NOC3L: variants seen among roughly 807,000 people sequenced by gnomAD.
NOC3L encodes nucleolar complex protein 3 homolog.
NOC3L carries 85 observed loss-of-function variants against 102.5 expected under a neutral mutation model. That is an observed-to-expected ratio of 0.83 (90% CI 0.70 to 0.99). NOC3L has a LOEUF of 0.99. Among genes scored for constraint, NOC3L ranks in the 50% least tolerant of loss-of-function variants. The pLI is 0.00. For missense variants in NOC3L, 878 were observed against 914.9 expected, an observed-to-expected ratio of 0.96 and a Z score of 0.52; for synonymous variants, 303 against 309.4, an observed-to-expected ratio of 0.98 and a Z score of 0.22.
chr10:94,344,350 C>A, intron 13 of NOC3L, 65 bp downstream of exon 13: 3 of 1,043,466 alleles, frequency 2.9e-6, no homozygotes, highest in South Asian at 1.5e-5. Flanking sequence ...AGGGAACTCT[C>A]GAAAATTCTT....
chr10:94,362,729 C>CT, intron 1 of NOC3L, 101 bp downstream of exon 1: 2 of 1,332,060 alleles, frequency 1.5e-6, no homozygotes, highest in Non-Finnish European at 2.2e-6. Flanking sequence ...CCACCGCCCC[C>CT]TAGACACGGG....
chr10:94,334,757 A>G, intron 19 of NOC3L, 39 bp from the exon 20 acceptor site: 2 of 1,323,418 alleles, frequency 1.5e-6, no homozygotes, highest in Non-Finnish European at 2.2e-6. Flanking sequence ...ATACCACCAC[A>G]TCTGTGTAAC....
At chr10:94,348,274 G>A (rs550917011) in intron 10 of NOC3L, among the ~76,000 whole-genome samples, 5 of 151,110 alleles carry the variant, frequency 3.3e-5, no homozygotes, top group African/African-American at 7.3e-5. Context: ...TAAAAATCTC[G>A]GAGAGACTCC....
At chr10:94,359,330 G>A (rs1564919141) in intron 2 of NOC3L, among the ~76,000 whole-genome samples, 2 of 152,142 alleles carry the variant, frequency 1.3e-5, no homozygotes, top group Non-Finnish European at 2.9e-5. Flanking sequence ...GGAAGCTGAG[G>A]CAGGAGAATC....
intron 4 of NOC3L, 55 bp from the exon 5 acceptor site, chr10:94,356,646 T>C: frequency 3.9e-6 from 4 of 1,038,114 alleles, no homozygotes; most frequent in Non-Finnish European, 6.0e-6. Flanking sequence ...TGGTAAAAAC[T>C]GTAAAGAAAT....
At chr10:94,356,513 A>G in intron 5 of NOC3L, 22 bp downstream of exon 5, 2 of 1,463,596 alleles carry the variant, frequency 1.4e-6, no homozygotes, top group Non-Finnish European at 1.9e-6. Flanking sequence ...TTAACAATTT[A>G]GTAACTGTAA....
chr10:94,356,510 T>A, intron 5 of NOC3L, 25 bp downstream of exon 5: 1 of 1,451,268 alleles, frequency 6.9e-7, no homozygotes, highest in South Asian at 1.2e-5. Context: ...CAATTAACAA[T>A]TTAGTAACTG....
At position 94,344,941 on chromosome 10, in the gene NOC3L, T is replaced by C. The variant is rs763678936; in HGVS notation, c.1390-8A>G. 2.5e-6 allele frequency: 4 copies of C among 1,600,222 alleles called. No homozygotes were observed. Among genetic ancestry groups the C allele is most frequent in the South Asian group, 1.1e-5 (1 of 88,210 alleles). ...CTCTTCTGCTTTCTTCCACTGAAAA[T>C]AGATTGAAAAACAAAAATCTAAGAG... is the stretch of plus-strand genomic sequence containing the variant. On this transcript the variant is annotated splice_polypyrimidine_tract_variant and splice_region_variant and intron_variant, in intron 11 of 20. Transcript: ENST00000371361.
At chr10:94,344,313 G>A (rs967044966) in intron 13 of NOC3L, 102 bp downstream of exon 13, 3 of 633,180 alleles carry the variant, frequency 4.7e-6, no homozygotes, top group Non-Finnish European at 8.2e-6. Context: ...GAAAAGGAAT[G>A]AGAACTGAGG....
intron 13 of NOC3L, among the ~76,000 whole-genome samples, chr10:94,342,848 G>T (rs963747692): frequency 6.6e-6 from 1 of 152,134 alleles, no homozygotes; most frequent in Admixed American, 6.5e-5. Context: ...ACTTTGGGAG[G>T]CCGAGGCGGA....
intron 13 of NOC3L, among the ~76,000 whole-genome samples, chr10:94,342,526 C>A (rs1209684512): frequency 6.9e-6 from 1 of 145,680 alleles, no homozygotes; most frequent in Non-Finnish European, 1.5e-5. Flanking sequence ...TTTGATCTGG[C>A]ACTACATGCA....
the NOC3L span, among the ~76,000 whole-genome samples, chr10:94,318,169 G>C: frequency 6.6e-6 from 1 of 152,170 alleles, no homozygotes; most frequent in African/African-American, 2.4e-5. Context: ...GCAAAAAAAT[G>C]TAATTGTCTC....
At chr10:94,346,372 A>G (rs1049065692) in intron 11 of NOC3L, 53 bp downstream of exon 11, 2 of 1,345,000 alleles carry the variant, frequency 1.5e-6, no homozygotes. Flanking sequence ...AGTTTAATCT[A>G]AGATCAAATA....
intron 6 of NOC3L, 82 bp downstream of exon 6, chr10:94,354,881 T>TC (rs1326801916): frequency 2.1e-6 from 3 of 1,401,996 alleles, no homozygotes; most frequent in Non-Finnish European, 2.9e-6. Context: ...AGTGTATGCT[T>TC]ATAGGTAACA....
At chr10:94,324,501 G>A in the NOC3L span, 3 of 1,614,190 alleles carry the variant, frequency 1.9e-6, no homozygotes, top group Non-Finnish European at 1.7e-6. Context: ...AGGAGTGTGT[G>A]TTTCAAGCCC....
chr10:94,354,138 T>A (rs962170654), intron 6 of NOC3L, among the ~76,000 whole-genome samples: 2 of 152,212 alleles, frequency 1.3e-5, no homozygotes, highest in African/African-American at 4.8e-5. Context: ...CTGCTCTAGA[T>A]CTTCCCCTCA....
chr10:94,340,839 G>GGCATGGT (rs1250271536), intron 14 of NOC3L, among the ~76,000 whole-genome samples: 1 of 151,902 alleles, frequency 6.6e-6, no homozygotes, highest in Non-Finnish European at 1.5e-5. Flanking sequence ...AAATTAACCG[G>GGCATGGT]GCATGGTGGT....
At chr10:94,344,718 C>G in intron 12 of NOC3L, 135 bp downstream of exon 12, 1 of 714,222 alleles carries the variant, frequency 1.4e-6, no homozygotes, top group South Asian at 1.9e-5. Context: ...CACAGTTTCC[C>G]GCACATCACA....
At chr10:94,324,544 C>G in the NOC3L span, 2 of 1,613,964 alleles carry the variant, frequency 1.2e-6, no homozygotes, top group Non-Finnish European at 1.7e-6. Context: ...AAAATTCATC[C>G]TTAAGCTAAA....
Sources: allele counts gnomAD v4.1 joint callset (sites outside exome capture counted in the v4.1 genomes callset), GRCh38; gene constraint gnomAD v4.1.1; transcripts MANE v1.5; gene names NCBI Gene and HGNC (gene_info 2026-07-23, HGNC 2026-07-21).